Variants in MAGED2 observed in about 807,000 individuals in gnomAD.
The protein encoded by MAGED2 is melanoma-associated antigen D2.
Under a neutral mutation model 41.7 loss-of-function variants are expected in MAGED2, and 6 were observed. The ratio of observed to expected loss-of-function variants is 0.14; its 90% CI spans 0.08 to 0.28. MAGED2 has a LOEUF of 0.28. Among genes scored for constraint, MAGED2 ranks in the 10% least tolerant of loss-of-function variants. The pLI, the probability that MAGED2 is intolerant of heterozygous loss-of-function variation, is 1.00. For synonymous variants in MAGED2, 146 were observed against 178.2 expected, an observed-to-expected ratio of 0.82 and a Z score of 1.44; for missense variants, 343 against 486.4, an observed-to-expected ratio of 0.71 and a Z score of 2.77.
At chrX:54,809,183 T>C (rs1455523416) in intron 1 of MAGED2, 120 bp from the exon 2 acceptor site, 10 of 476,550 alleles carry the variant, frequency 2.1e-5, no homozygotes, top group Non-Finnish European at 3.8e-5. Flanking sequence ...ACGGAGTCGT[T>C]GGGGGTGGTG....
At chrX:54,813,697 C>T (rs755903366) in intron 10 of MAGED2, 147 bp downstream of exon 10, 8 of 482,390 alleles carry the variant, frequency 1.7e-5, no homozygotes, top group East Asian at 3.6e-5. Context: ...ATTCCTTGGG[C>T]GGTGATGGGA....
rs144346983 is a variant in MAGED2, at chrX:54,809,901, T to C, written c.225T>C (p.Ala75=). The part of the protein sequence containing the change: ...KATEVSKTPE[A]REAPATQASS... ...CAGAGGTCTCAAAGACCCCAGAGGC[T>C]CGGGAGGCACCTGCCACCCAGGCCT... Residue 75 remains alanine (A), a synonymous_variant, in exon 3 of 13, where the codon GCT becomes GCC. Coordinates refer to ENST00000375068, the MANE Select transcript of MAGED2 (RefSeq NM_177433.3). 7.6e-4 allele frequency: 907 copies of C among 1,191,064 alleles called. 5 individuals carry two copies. In the African/African-American group the frequency reaches 0.013, roughly 18 times the overall value.
chrX:54,813,820 G>A (rs1477221640), intron 10 of MAGED2, among the ~76,000 whole-genome samples: 1 of 112,081 alleles, frequency 8.9e-6, no homozygotes, highest in Non-Finnish European at 1.9e-5. Flanking sequence ...TGCAGAAACT[G>A]AGGTTTAGAG....
chrX:54,808,672 T>G, intron 1 of MAGED2, among the ~76,000 whole-genome samples: 1 of 104,512 alleles, frequency 9.6e-6, no homozygotes, highest in Admixed American at 1.0e-4. Context: ...GAGGGGGGCG[T>G]GTTAGGAAGA....
At position 54,810,067 on chromosome X, in the gene MAGED2, G is replaced by A. The variant is rs753756584; in HGVS notation, c.391G>A (p.Asp131Asn). ...GACCAAAAAGGTCAGCCATGTGGCT[G>A]ATACAAAGGTCAATACAAAGGCTCA... is the stretch of plus-strand genomic sequence containing the variant. ...TETKKVSHVADTKVNTKAQET... is the reference protein window; with the variant it reads ...TETKKVSHVANTKVNTKAQET... Residue 131 changes from aspartate (D) to asparagine (N), a missense_variant, in exon 3 of 13, where the codon GAT (aspartate) becomes AAT (asparagine). By Grantham distance (23) the Asp-to-Asn change is conservative. This residue lies in a region of MAGED2 where 195 missense variants were observed against 221.2 expected (regional missense o/e 0.88). Transcript: ENST00000375068. 3 of 1,208,853 alleles carry A rather than the reference G, an allele frequency of 2.5e-6. No individual in the cohort carries two copies. Among genetic ancestry groups the A allele is most frequent in the Non-Finnish European group, 3.4e-6 (3 of 893,995 alleles).
At chrX:54,814,815 T>C in intron 11 of MAGED2, 40 bp downstream of exon 11, 1 of 1,051,491 alleles carries the variant, frequency 9.5e-7, no homozygotes, top group Non-Finnish European at 1.3e-6. Context: ...GTCAAGAGCA[T>C]GGGGTGCCCC....
rs1047870600 is a variant in MAGED2, at chrX:54,811,050, G to A, written c.767G>A (p.Arg256His). Residue 256 changes from arginine to histidine, a missense_variant, in exon 4 of 13, where the codon CGC (arginine) becomes CAC (histidine). Physicochemically the swap from Arg to His is conservative, Grantham distance 29. Coordinates refer to ENST00000375068, the MANE Select transcript of MAGED2 (RefSeq NM_177433.3). ...CCTAAAGCCCGTAGGGGCAAGGCTC[G>A]CCGTAGAGCTGCCAAGCTCCAGTCA... ...RSPKARRGKA[R>H]RRAAKLQSSQ... The A allele has an allele frequency of 7.5e-6, 9 of 1,198,084 alleles. No homozygotes were observed. The highest frequency in any genetic ancestry group is 3.5e-5 in the African/African-American group (2 of 56,929).
In MAGED2 at chrX:54,815,895, G is replaced by T; in HGVS notation, c.*23G>T. ...TGTGTTTTCAGATATTGTTAATCCT[G>T]CCAGTCTTTCTCTTCAAGCCAGGGT... On this transcript the variant is annotated 3_prime_UTR_variant, in exon 13 of 13. Transcript: ENST00000375068. 2.4e-6 allele frequency: 1 copy of T among 411,460 alleles called. No homozygotes were observed. Among genetic ancestry groups the T allele is most frequent in the East Asian group, 3.9e-5 (1 of 25,317 alleles). 33.9% of individuals were successfully genotyped at this position (411,460 alleles called of 1,213,427 possible).
At chrX:54,813,338 C>T in intron 9 of MAGED2, 150 bp from the exon 10 acceptor site, 2 of 847,679 alleles carry the variant, frequency 2.4e-6, no homozygotes, top group Admixed American at 3.0e-5. Flanking sequence ...TCTCTGCTCC[C>T]TCTCTCAGTG....
At chrX:54,815,181 A>G in intron 11 of MAGED2, 67 bp from the exon 12 acceptor site, 1 of 1,118,631 alleles carries the variant, frequency 8.9e-7, no homozygotes, top group East Asian at 3.0e-5. Flanking sequence ...TTATTTACAT[A>G]GTAATACTGT....
At chrX:54,811,951 C>T (rs1258234982) in intron 6 of MAGED2, among the ~76,000 whole-genome samples, 1 of 112,104 alleles carries the variant, frequency 8.9e-6, no homozygotes, top group East Asian at 2.8e-4. Context: ...TTCTCTGTCT[C>T]CCTAGAGTCC....
Position 54,809,078 on chromosome X carries a change from C to A in MAGED2, c.-29-225C>A, listed in dbSNP as rs1929714004. ...GTGCACTGGGAAAAGGGGCGGGGTC[C>A]TCAGAGCTGCCGCGCTGGCACATCT... On this transcript the variant is annotated intron_variant, in intron 1 of 12. Coordinates refer to ENST00000375068, the MANE Select transcript of MAGED2 (RefSeq NM_177433.3). 7.3e-6 allele frequency: 3 copies of A among 408,354 alleles called. No homozygotes were observed. In the Admixed American group the frequency reaches 1.2e-4, roughly 17 times the overall value. 33.7% of individuals were successfully genotyped at this position (408,354 alleles called of 1,213,427 possible).
Position 54,814,409 on chromosome X carries a change from C to T in MAGED2, c.1272-252C>T, listed in dbSNP as rs1252739651. Reference sequence around the variant, plus strand: ...GCAGGGGGCCCAAAGAATGGCTCCTCTGTTTACAACACACCCAACAGGAAT... The same window carrying T: ...GCAGGGGGCCCAAAGAATGGCTCCTTTGTTTACAACACACCCAACAGGAAT... On this transcript the variant is annotated intron_variant, in intron 10 of 12. Coordinates refer to ENST00000375068, the MANE Select transcript of MAGED2 (RefSeq NM_177433.3). 3 of 505,705 alleles carry T rather than the reference C, an allele frequency of 5.9e-6. No homozygotes were observed. The Admixed American group carries it at 6.9e-5, about 12-fold the overall frequency. The allele number at this position is 505,705 out of a possible 1,213,427, so 41.7% of individuals were successfully genotyped here.
In MAGED2 at chrX:54,811,080, A is replaced by G. The variant is rs1021000890; in HGVS notation, c.797A>G (p.Gln266Arg). The G allele has an allele frequency of 1.7e-6, 2 of 1,197,084 alleles. No homozygotes were observed. The highest frequency in any genetic ancestry group is 1.8e-5 in the African/African-American group (1 of 56,761). The change falls in exon 4 of 13, where the codon CAA (glutamine) becomes CGA (arginine). Residue 266 changes from glutamine to arginine, a missense_variant. Coordinates refer to ENST00000375068, the MANE Select transcript of MAGED2 (RefSeq NM_177433.3). ...RRRAAKLQSS[Q>R]EPEAPPPRDV... ...AGAGCTGCCAAGCTCCAGTCATCCC[A>G]AGAGCCTGAAGCACCACCACCTCGG...
In MAGED2 at chrX:54,813,195, G is replaced by C. The variant is rs1296485591; in HGVS notation, c.1208+35G>C. 2.5e-6 allele frequency: 3 copies of C among 1,208,672 alleles called. No homozygotes were observed. The African/African-American group carries it at 5.3e-5, about 21-fold the overall frequency. ...GGCTCTCTCAGCGCTTGCTGTCCGT[G>C]TTGTCCTTTGGCAAGAGAGGACGGT... is the stretch of plus-strand genomic sequence containing the variant. On this transcript the variant is annotated intron_variant, in intron 9 of 12. Transcript: ENST00000375068.
At chrX:54,808,946 G>A in intron 1 of MAGED2, 1 of 265,034 alleles carries the variant, frequency 3.8e-6, no homozygotes, top group Non-Finnish European at 6.9e-6. Flanking sequence ...ATGCGCATGT[G>A]CACGGTGGAC....
Position 54,813,486 on chromosome X carries a change from A to G in MAGED2, c.1209-2A>G. On this transcript the variant is annotated splice_acceptor_variant, in intron 9 of 12. Transcript: ENST00000375068. LOFTEE classifies it high-confidence loss of function. ...TATTTATTTTTCTTTTTCTTCTCTC[A>G]GGATACATCATTCACTCTTTGGGGA... 1 of 1,200,277 alleles carries G rather than the reference A, an allele frequency of 8.3e-7. No individual in the cohort carries two copies.
rs371918203 is a variant in MAGED2, at chrX:54,811,529, C to G, written c.911-45C>G. On this transcript the variant is annotated intron_variant, in intron 5 of 12. Coordinates refer to ENST00000375068, the MANE Select transcript of MAGED2 (RefSeq NM_177433.3). ...TCTATAGCTTGGGCATCAGGGCCACCTGGCATCTCTTCAGTCAGGTGCTCA... is the reference window on the plus strand; with the variant it reads ...TCTATAGCTTGGGCATCAGGGCCACGTGGCATCTCTTCAGTCAGGTGCTCA... 1.8e-3 allele frequency: 2,011 copies of G among 1,087,424 alleles called. 5 individuals carry two copies. Among genetic ancestry groups the G allele is most frequent in the Non-Finnish European group, 2.4e-3 (1,896 of 785,751 alleles). 89.6% of individuals were successfully genotyped at this position (1,087,424 alleles called of 1,213,427 possible).
rs185932631 is a variant in MAGED2 at position 54,810,017 on chromosome X, A to G, written c.341A>G (p.Gln114Arg). 1.5e-4 allele frequency: 182 copies of G among 1,205,111 alleles called. 1 individual carries two copies. In the East Asian group the frequency reaches 5.4e-3, roughly 36 times the overall value. ...ADTKKQNADPQAVTMPATETK... is the reference protein window; with the variant it reads ...ADTKKQNADPRAVTMPATETK... ...ACCAAGAAACAGAATGCTGACCCGC[A>G]GGCTGTGACAATGCCTGCCACTGAG... Residue 114 changes from glutamine (Q) to arginine (R), a missense_variant, in exon 3 of 13, where the codon CAG becomes CGG. Transcript: ENST00000375068.
Sources: allele counts gnomAD v4.1 joint callset (sites outside exome capture counted in the v4.1 genomes callset), GRCh38; gene constraint gnomAD v4.1.1; regional missense constraint gnomAD v4.1.1; transcripts MANE v1.5; gene names NCBI Gene and HGNC (gene_info 2026-07-23, HGNC 2026-07-21).